Variants in KALRN observed in about 807,000 individuals in gnomAD.
The protein encoded by KALRN is kalirin RhoGEF kinase, also known as kalirin.
A neutral mutation model predicts 353.7 loss-of-function variants in KALRN; 70 were observed. The ratio of observed to expected loss-of-function variants is 0.20; its 90% CI spans 0.16 to 0.24. The LOEUF (loss-of-function observed/expected upper bound fraction) is 0.24. KALRN is among the 10% of genes least tolerant of loss of function. The pLI is 1.00. For synonymous variants in KALRN, 1,391 were observed against 1,434.8 expected (o/e 0.97, Z 0.69); for missense variants, 2,791 against 3,756.7 (o/e 0.74, Z 6.72).
chr3:124,242,777 C>A (rs2080639269), intron 3 of KALRN, among the ~76,000 whole-genome samples: 1 of 152,144 alleles, frequency 6.6e-6, no homozygotes, highest in African/African-American at 2.4e-5. Flanking sequence ...ATATGCAGGA[C>A]AACAGGGGTG....
intron 1 of KALRN, among the ~76,000 whole-genome samples, chr3:124,092,363 C>T (rs10212259): frequency 0.042 from 6,347 of 152,248 alleles, 143 homozygotes; most frequent in Middle Eastern, 0.071. Flanking sequence ...TGCCATGATG[C>T]GAGCCTCCCG....
Position 124,158,620 on chromosome 3 carries a change from C to A in KALRN, c.74-69370C>A, listed in dbSNP as rs535099188. Among the ~76,000 whole-genome samples the A allele has an allele frequency of 4.6e-5, 7 of 152,340 alleles. No homozygotes were observed. In the South Asian group the frequency reaches 1.4e-3, roughly 32 times the overall value. On this transcript the variant is annotated intron_variant, in intron 1 of 59. Coordinates refer to ENST00000682506, the MANE Select transcript of KALRN (RefSeq NM_001388419.1). ...CACTGAAAGCAATCCCTGACATGCCCTCTGCAACTCATCATGTTAATGGGA... is the reference window on the plus strand; with the variant it reads ...CACTGAAAGCAATCCCTGACATGCCATCTGCAACTCATCATGTTAATGGGA...
chr3:124,296,671 T>C lies in KALRN; in HGVS notation c.970-2120T>C, dbSNP rs1444748. On this transcript the variant is annotated intron_variant, in intron 5 of 59. Coordinates refer to ENST00000682506, the MANE Select transcript of KALRN (RefSeq NM_001388419.1). ...GTTCCCTGAAGCCTGTGTGCAAGGC[T>C]CTTTGTGGTCAGTCTGTCCCACCTG... Among the ~76,000 whole-genome samples the C allele has an allele frequency of 0.046, 6,970 of 152,302 alleles. 759 individuals carry two copies. In the East Asian group the frequency reaches 0.47, roughly 10 times the overall value.
At chr3:124,326,247 C>A (rs1021184137) in intron 7 of KALRN, 76 bp downstream of exon 7, 2 of 1,229,966 alleles carry the variant, frequency 1.6e-6, no homozygotes, top group Non-Finnish European at 2.3e-6. Flanking sequence ...TGGATGGGAG[C>A]ACACACACTC....
chr3:124,364,355 A>G (rs2084397885), intron 10 of KALRN, among the ~76,000 whole-genome samples: 1 of 151,996 alleles, frequency 6.6e-6, no homozygotes, highest in African/African-American at 2.4e-5. Context: ...GAACCTCATG[A>G]CCCTTCCCTG....
At chr3:124,406,035 A>G (rs986986825) in intron 13 of KALRN, among the ~76,000 whole-genome samples, 10 of 152,224 alleles carry the variant, frequency 6.6e-5, no homozygotes, top group Non-Finnish European at 8.8e-5. Flanking sequence ...TTCAATTGGT[A>G]TAGAAATTAA....
At chr3:124,176,751 G>C (rs1208050410) in intron 1 of KALRN, among the ~76,000 whole-genome samples, 1 of 152,158 alleles carries the variant, frequency 6.6e-6, no homozygotes, top group Non-Finnish European at 1.5e-5. Context: ...TCATAGCACT[G>C]CTATCTCCTG....
At chr3:124,357,415 G>T (rs560644890) in intron 10 of KALRN, among the ~76,000 whole-genome samples, 1 of 152,182 alleles carries the variant, frequency 6.6e-6, no homozygotes, top group African/African-American at 2.4e-5. Flanking sequence ...TCAGGATAAA[G>T]TTCAAACTCT....
At chr3:124,648,807 A>T (rs541121112) in intron 37 of KALRN, among the ~76,000 whole-genome samples, 1 of 152,206 alleles carries the variant, frequency 6.6e-6, no homozygotes, top group African/African-American at 2.4e-5. Flanking sequence ...ACCAGGAGAC[A>T]TGTCATTGGA....
rs2073889403 is a variant in KALRN, at chr3:124,269,232, C to A, written c.946C>A (p.Leu316Ile). Residue 316 changes from leucine (L) to isoleucine (I), a missense_variant, in exon 5 of 60, where the codon CTC (leucine) becomes ATC (isoleucine). Around this residue, in one of 11 missense-constraint regions of KALRN, gnomAD observed 366 missense variants for 489.2 expected, o/e 0.75. Transcript: ENST00000682506. ...LKLDQCFQLR[L>I]FEQDAEKMFD... is the part of the protein sequence containing the mutation. Reference sequence around the variant, plus strand: ...GCTGGACCAGTGCTTTCAGCTGCGGCTCTTCGAGCAGGATGCTGAGAAGGT... The same window carrying A: ...GCTGGACCAGTGCTTTCAGCTGCGGATCTTCGAGCAGGATGCTGAGAAGGT... 2.5e-6 allele frequency: 4 copies of A among 1,599,760 alleles called. No homozygotes were observed. Among genetic ancestry groups the A allele is most frequent in the Non-Finnish European group, 3.4e-6 (4 of 1,169,230 alleles).
intron 1 of KALRN, among the ~76,000 whole-genome samples, chr3:124,051,061 C>T (rs900386697): frequency 9.2e-5 from 14 of 152,102 alleles, no homozygotes; most frequent in African/African-American, 2.4e-4. Context: ...ATGAGGCTCC[C>T]GAGATTGCCT....
rs550592071 is a variant in KALRN at position 124,632,472 on chromosome 3, C to A, written c.5235C>A (p.Ala1745=). ...SENGGKSESV[A]NLQAQPSLNS... ...ATGGAGGCAAGTCCGAGTCCGTGGC[C>A]AACCTGCAGGCCCAGCCCTCCCTGA... The change falls in exon 35 of 60, where the codon GCC becomes GCA. Residue 1745 remains alanine (A), a synonymous_variant. Transcript: ENST00000682506. 19 of 1,614,096 alleles carry A rather than the reference C, an allele frequency of 1.2e-5. No individual in the cohort carries two copies. The East Asian group carries it at 4.2e-4, about 36-fold the overall frequency.
chr3:124,380,319 G>A (rs1458369805), intron 10 of KALRN, among the ~76,000 whole-genome samples: 1 of 152,192 alleles, frequency 6.6e-6, no homozygotes, highest in Non-Finnish European at 1.5e-5. Context: ...AAATTTAAAA[G>A]TAATGGGCCA....
At chr3:124,320,864 A>G (rs142164394) in intron 6 of KALRN, among the ~76,000 whole-genome samples, 1 of 152,182 alleles carries the variant, frequency 6.6e-6, no homozygotes, top group Non-Finnish European at 1.5e-5. Context: ...GGTTTGTGGC[A>G]TGTGGGGCAT....
chr3:124,494,403 C>T (rs1257045322), intron 32 of KALRN, among the ~76,000 whole-genome samples: 1 of 152,254 alleles, frequency 6.6e-6, no homozygotes, highest in African/African-American at 2.4e-5. Context: ...AAGGGCCCAC[C>T]ATGGGCCAGA....
chr3:124,480,547 T>C (rs900514407), intron 27 of KALRN, among the ~76,000 whole-genome samples: 12 of 152,216 alleles, frequency 7.9e-5, no homozygotes, highest in Non-Finnish European at 1.8e-4. Flanking sequence ...TATTGAGAGA[T>C]GATTTCAGAG....
chr3:124,081,428 T>G (rs138082343), intron 1 of KALRN, among the ~76,000 whole-genome samples: 214 of 152,346 alleles, frequency 1.4e-3, no homozygotes, highest in African/African-American at 5.1e-3. Context: ...TCATGGGTTA[T>G]ATTTCTAATG....
At chr3:124,215,652 A>G (rs987583221) in intron 1 of KALRN, among the ~76,000 whole-genome samples, 1 of 152,190 alleles carries the variant, frequency 6.6e-6, no homozygotes, top group Non-Finnish European at 1.5e-5. Context: ...CAGAGAGATT[A>G]AGCTGTCTAA....
intron 1 of KALRN, among the ~76,000 whole-genome samples, chr3:124,071,119 C>T (rs1016888686): frequency 6.6e-6 from 1 of 151,978 alleles, no homozygotes; most frequent in Non-Finnish European, 1.5e-5. Flanking sequence ...AGCCTTGTGC[C>T]TGATTAGATG....
Sources: allele counts gnomAD v4.1 joint callset (sites outside exome capture counted in the v4.1 genomes callset), GRCh38; gene constraint gnomAD v4.1.1; regional missense constraint gnomAD v4.1.1; transcripts MANE v1.5; gene names NCBI Gene and HGNC (gene_info 2026-07-23, HGNC 2026-07-21).